The following LIN54 variants were observed in gnomAD, a reference collection of about 807,000 sequenced individuals.
LIN54 encodes the protein protein lin-54 homolog.
LIN54 carries 9 observed loss-of-function variants against 78.7 expected under a neutral mutation model. The observed-to-expected ratio is 0.11, with a 90% CI of 0.07 to 0.20. The LOEUF is 0.20. Among genes scored for constraint, LIN54 ranks in the 10% least tolerant of loss-of-function variants. The probability of loss-of-function intolerance (pLI) is 1.00; values close to 1 mark genes in which losing one functional copy is unlikely to be tolerated. For synonymous variants in LIN54, 269 were observed against 318.4 expected (o/e 0.84, Z 1.65); for missense variants, 573 against 889.9 (o/e 0.64, Z 4.53).
In LIN54 at chr4:82,980,919, G is replaced by A. The variant is rs28747376; in HGVS notation, c.685-1913C>T. ...TATCAGTAAGAAAAAAATATAAACA[G>A]TACAACCAGAAGCACATTAATTATT... On this transcript the variant is annotated intron_variant, in intron 2 of 12. Coordinates refer to ENST00000340417, the MANE Select transcript of LIN54 (RefSeq NM_194282.4). Among the ~76,000 whole-genome samples the A allele has an allele frequency of 2.4e-3, 361 of 152,138 alleles. 1 individual carries two copies. Among genetic ancestry groups the A allele is most frequent in the African/African-American group, 8.4e-3 (350 of 41,522 alleles).
chr4:82,992,093 C>T (rs1018400876), intron 1 of LIN54, among the ~76,000 whole-genome samples: 1 of 152,066 alleles, frequency 6.6e-6, no homozygotes, highest in Non-Finnish European at 1.5e-5. Flanking sequence ...ATAAAGCTTC[C>T]TTGTGGGAAG....
Position 82,984,511 on chromosome 4 carries a change from C to T in LIN54, c.334G>A (p.Ala112Thr), listed in dbSNP as rs928696066. 6.2e-7 allele frequency: 1 copy of T among 1,614,176 alleles called. No individual in the cohort carries two copies. The highest frequency in any genetic ancestry group is 8.5e-7 in the Non-Finnish European group (1 of 1,180,010). The change falls in exon 2 of 13, where the codon GCC (alanine) becomes ACC (threonine). Residue 112 changes from alanine (A) to threonine (T), a missense_variant. Coordinates refer to ENST00000340417, the MANE Select transcript of LIN54 (RefSeq NM_194282.4). ...LGAQTPVTIS[A>T]NQIILNKVSQ... ...ACTTTGTTTAAAATAATCTGATTGG[C>T]TGATATAGTCACAGGAGTCTGAGCA...
At position 82,928,023 on chromosome 4, in the gene LIN54, G is replaced by A; in HGVS notation, c.*79C>T. 2 of 1,195,592 alleles carry A rather than the reference G, an allele frequency of 1.7e-6. No individual in the cohort carries two copies. The highest frequency in any genetic ancestry group is 1.2e-6 in the Non-Finnish European group (1 of 808,850). 74.1% of individuals were successfully genotyped at this position (1,195,592 alleles called of 1,614,324 possible). On this transcript the variant is annotated 3_prime_UTR_variant, in exon 13 of 13. Transcript: ENST00000340417. ...AGGACTGAATTAAAATACAGTAATTGTTTTTCTTCCAGAAAATCAAGTGTC... is the reference window on the plus strand; with the variant it reads ...AGGACTGAATTAAAATACAGTAATTATTTTTCTTCCAGAAAATCAAGTGTC...
chr4:82,926,542 A>G lies in LIN54; in HGVS notation c.*1560T>C, dbSNP rs891867755. ...TCCTTGTAGGAAATGAAATAATCAT[A>G]TACTAATTACTGATGATTAAGGTAC... On this transcript the variant is annotated 3_prime_UTR_variant, in exon 13 of 13. Coordinates refer to ENST00000340417, the MANE Select transcript of LIN54 (RefSeq NM_194282.4). 3 of 152,480 alleles carry G rather than the reference A, an allele frequency of 2.0e-5. No homozygotes were observed. Among genetic ancestry groups the G allele is most frequent in the African/African-American group, 7.2e-5 (3 of 41,458 alleles). 9.4% of individuals were successfully genotyped at this position (152,480 alleles called of 1,614,324 possible).
chr4:82,988,910 C>A lies in LIN54; in HGVS notation c.-32-4034G>T, dbSNP rs566445285. Among the ~76,000 whole-genome samples the A allele has an allele frequency of 2.3e-4, 35 of 152,008 alleles. No individual in the cohort carries two copies. In the South Asian group the frequency reaches 6.4e-3, roughly 28 times the overall value. The stretch of plus-strand genomic sequence containing the variant: ...TTCTTTTAAAAATACTGGGTTTGGC[C>A]GGGCGCGGTGTCTTATGCCTGTAAT... On this transcript the variant is annotated intron_variant, in intron 1 of 12. Coordinates refer to ENST00000340417, the MANE Select transcript of LIN54 (RefSeq NM_194282.4).
At chr4:82,993,405 A>T (rs757622795) in intron 1 of LIN54, among the ~76,000 whole-genome samples, 3 of 150,258 alleles carry the variant, frequency 2.0e-5, no homozygotes, top group Non-Finnish European at 4.4e-5. Flanking sequence ...TTTAGTAGAG[A>T]CAGGGTTTCT....
intron 4 of LIN54, among the ~76,000 whole-genome samples, chr4:82,969,876 T>C (rs1454703976): frequency 6.6e-6 from 1 of 152,208 alleles, no homozygotes; most frequent in African/African-American, 2.4e-5. Flanking sequence ...ACAACACTGA[T>C]AATATGGCTA....
intron 2 of LIN54, among the ~76,000 whole-genome samples, chr4:82,981,102 A>G (rs992074129): frequency 6.6e-6 from 1 of 152,198 alleles, no homozygotes; most frequent in Admixed American, 6.5e-5. Context: ...ATCAAAGATT[A>G]CTTTAACAAG....
rs534760107 is a variant in LIN54, at chr4:82,974,102, T to C, written c.809-3633A>G. 1.6e-3 allele frequency among the ~76,000 whole-genome samples: 247 copies of C among 151,818 alleles called. 1 individual carries two copies. The highest frequency in any genetic ancestry group is 6.8e-3 in the Middle Eastern group (2 of 294). On this transcript the variant is annotated intron_variant, in intron 3 of 12. Transcript: ENST00000340417. The stretch of plus-strand genomic sequence containing the variant: ...GCAGGCACCTGTAGTCCCAGCTACT[T>C]GGGAGGCTGAGGCAAGAGAATGGCG...
intron 1 of LIN54, among the ~76,000 whole-genome samples, chr4:83,001,339 C>T (rs1240164037): frequency 2.0e-4 from 8 of 39,920 alleles, no homozygotes; most frequent in Non-Finnish European, 3.5e-4. Flanking sequence ...ATCACTTGAG[C>T]CCCGCAGTTT....
Position 82,926,808 on chromosome 4 carries a change from A to C in LIN54, c.*1294T>G, listed in dbSNP as rs1347275739. On this transcript the variant is annotated 3_prime_UTR_variant, in exon 13 of 13. Transcript: ENST00000340417. ...TTTTGTTAGGAGGCCCATTTCTGTA[A>C]ATCAAGTAAGAGTTGCGATTTGGTT... is the stretch of plus-strand genomic sequence containing the variant. The C allele has an allele frequency of 6.6e-6, 1 of 152,186 alleles. No homozygotes were observed. Among genetic ancestry groups the C allele is most frequent in the Non-Finnish European group, 1.5e-5 (1 of 68,032 alleles). The allele number at this position is 152,186 out of a possible 1,614,324, so 9.4% of individuals were successfully genotyped here.
At chr4:82,991,542 A>G (rs2126095454) in intron 1 of LIN54, among the ~76,000 whole-genome samples, 1 of 152,296 alleles carries the variant, frequency 6.6e-6, no homozygotes, top group African/African-American at 2.4e-5. Context: ...TACACTTGCT[A>G]GGACCTCCAG....
chr4:82,961,071 T>C (rs551882093), intron 4 of LIN54, among the ~76,000 whole-genome samples: 1 of 152,142 alleles, frequency 6.6e-6, no homozygotes, highest in Non-Finnish European at 1.5e-5. Context: ...AATAAATTTT[T>C]AAAAAATTTT....
chr4:82,942,423 T>G (rs1159615578), intron 5 of LIN54, among the ~76,000 whole-genome samples: 1 of 152,200 alleles, frequency 6.6e-6, no homozygotes, highest in Non-Finnish European at 1.5e-5. Context: ...TCAGTAAGGT[T>G]GTTATACAAA....
intron 4 of LIN54, among the ~76,000 whole-genome samples, chr4:82,962,099 T>G (rs1186874064): frequency 6.6e-6 from 1 of 152,166 alleles, no homozygotes; most frequent in Non-Finnish European, 1.5e-5. Context: ...AACCCTAATT[T>G]CTTTTTTTGG....
chr4:82,974,619 C>T lies in LIN54; in HGVS notation c.809-4150G>A, dbSNP rs544075992. On this transcript the variant is annotated intron_variant, in intron 3 of 12. Transcript: ENST00000340417. ...GGGCGTGATGGCACACACCTGTAATCCCAGCTACTTGGGAGGCTGAAGCAA... is the reference window on the plus strand; with the variant it reads ...GGGCGTGATGGCACACACCTGTAATTCCAGCTACTTGGGAGGCTGAAGCAA... Among the ~76,000 whole-genome samples the T allele has an allele frequency of 1.7e-4, 26 of 152,146 alleles. No homozygotes were observed. The East Asian group carries it at 4.1e-3, about 24-fold the overall frequency.
At position 82,936,271 on chromosome 4, in the gene LIN54, A is replaced by G; in HGVS notation, c.1707+8T>C. ...TTCTGTCAGTTAAATGAAATAAAAA[A>G]TAATCACCTTTATTGCTTTTTGCCT... is the stretch of plus-strand genomic sequence containing the variant. On this transcript the variant is annotated splice_region_variant and intron_variant, in intron 10 of 12. Transcript: ENST00000340417. 2 of 1,540,618 alleles carry G rather than the reference A, an allele frequency of 1.3e-6. No homozygotes were observed. Among genetic ancestry groups the G allele is most frequent in the Non-Finnish European group, 8.9e-7 (1 of 1,129,566 alleles).
intron 4 of LIN54, among the ~76,000 whole-genome samples, chr4:82,955,671 G>A (rs149974420): frequency 3.1e-3 from 472 of 151,914 alleles, no homozygotes; most frequent in Non-Finnish European, 5.2e-3. Flanking sequence ...TGTAATCTCT[G>A]CACTTTGGGA....
chr4:82,939,361 T>G lies in LIN54; in HGVS notation c.1440+178A>C, dbSNP rs555415448. On this transcript the variant is annotated intron_variant, in intron 7 of 12. Transcript: ENST00000340417. The stretch of plus-strand genomic sequence containing the variant: ...GTATATCTGACCTGTGTTATATATT[T>G]CTAAATGCTAAAAGTACATAGAAAT... 2.2e-4 allele frequency among the ~76,000 whole-genome samples: 33 copies of G among 152,366 alleles called. No individual in the cohort carries two copies. In the South Asian group the frequency reaches 6.8e-3, roughly 32 times the overall value.
Sources: gnomAD v4.1 joint callset for allele counts (sites outside exome capture counted in the v4.1 genomes callset) on GRCh38, gnomAD v4.1.1 for gene constraint, MANE v1.5 for transcripts, NCBI Gene and HGNC (gene_info 2026-07-23, HGNC 2026-07-21) for gene names.